The following ITFG1 variants were observed in gnomAD, a reference collection of about 807,000 sequenced individuals.
The protein encoded by ITFG1 is T-cell immunomodulatory protein.
ITFG1 carries 34 observed loss-of-function variants against 81.8 expected under a neutral mutation model. That is an observed-to-expected ratio of 0.42 (90% CI 0.32 to 0.55). The LOEUF is 0.55. ITFG1 is among the 20% of genes least tolerant of loss of function. The pLI, the probability that ITFG1 is intolerant of heterozygous loss-of-function variation, is 0.17. For missense variants in ITFG1, 672 were observed against 755.4 expected (o/e 0.89, Z 1.29); for synonymous variants, 285 against 270.6 (o/e 1.05, Z -0.52).
chr16:47,310,163 G>C (rs1199084881), intron 10 of ITFG1, among the ~76,000 whole-genome samples: 1 of 152,208 alleles, frequency 6.6e-6, no homozygotes, highest in Non-Finnish European at 1.5e-5. Flanking sequence ...GCTTAGGAAA[G>C]TTAACGTACA....
chr16:47,156,994 G>A (rs1011964543), intron 17 of ITFG1, among the ~76,000 whole-genome samples: 19 of 152,254 alleles, frequency 1.2e-4, no homozygotes, highest in Non-Finnish European at 2.1e-4. Flanking sequence ...GGGAGAGAAC[G>A]GAAAGAAAGA....
chr16:47,451,685 C>G (rs1969391786), intron 4 of ITFG1, among the ~76,000 whole-genome samples: 1 of 152,160 alleles, frequency 6.6e-6, no homozygotes. Context: ...CAGCCCTCTC[C>G]AGGCTTGCCA....
At chr16:47,369,787 T>C (rs1327127194) in intron 7 of ITFG1, among the ~76,000 whole-genome samples, 1 of 151,196 alleles carries the variant, frequency 6.6e-6, no homozygotes, top group African/African-American at 2.4e-5. Context: ...ATATCGATCA[T>C]CTCAAACATT....
chr16:47,349,921 C>A (rs1469921259), intron 8 of ITFG1, among the ~76,000 whole-genome samples: 1 of 152,164 alleles, frequency 6.6e-6, no homozygotes, highest in African/African-American at 2.4e-5. Context: ...CAAAACTGGT[C>A]AACTACATGG....
intron 14 of ITFG1, among the ~76,000 whole-genome samples, chr16:47,177,772 G>T (rs1567414586): frequency 6.6e-6 from 1 of 152,104 alleles, no homozygotes; most frequent in African/African-American, 2.4e-5. Flanking sequence ...TTATCAACTA[G>T]GCTAGAATAT....
chr16:47,234,067 A>C (rs1416936470), intron 13 of ITFG1, among the ~76,000 whole-genome samples: 1 of 152,238 alleles, frequency 6.6e-6, no homozygotes, highest in Non-Finnish European at 1.5e-5. Context: ...CCTTTGCTTA[A>C]TACATCATAT....
At chr16:47,452,647 T>A in intron 4 of ITFG1, 86 bp downstream of exon 4, 1 of 834,466 alleles carries the variant, frequency 1.2e-6, no homozygotes, top group Non-Finnish European at 1.9e-6. Context: ...AGTATTTTTA[T>A]TACTAAGCAA....
chr16:47,312,610 T>G (rs1228971987), intron 9 of ITFG1: 1 of 152,200 alleles, frequency 6.6e-6, no homozygotes, highest in East Asian at 1.9e-4. Context: ...TTCACTTGGT[T>G]TTTAAAAAAT....
chr16:47,414,257 AT>A (rs879479618), intron 6 of ITFG1, among the ~76,000 whole-genome samples: 385 of 145,520 alleles, frequency 2.6e-3, no homozygotes, highest in African/African-American at 4.1e-3. Context: ...CCAAGGATCT[AT>A]TTTTTTTTTT....
chr16:47,170,954 C>G (rs2151509888), intron 14 of ITFG1, among the ~76,000 whole-genome samples: 1 of 150,506 alleles, frequency 6.6e-6, no homozygotes, highest in Non-Finnish European at 1.5e-5. Flanking sequence ...AGGCTAGTCT[C>G]AAACTCCTGA....
chr16:47,428,212 C>G (rs1236844854), intron 6 of ITFG1, among the ~76,000 whole-genome samples: 2 of 152,116 alleles, frequency 1.3e-5, no homozygotes, highest in African/African-American at 4.8e-5. Context: ...TCCTTGTAAT[C>G]TGAGATACAG....
At chr16:47,236,366 T>C (rs1203606075) in intron 13 of ITFG1, among the ~76,000 whole-genome samples, 2 of 151,288 alleles carry the variant, frequency 1.3e-5, no homozygotes, top group Non-Finnish European at 2.9e-5. Flanking sequence ...TCCCAGCTAC[T>C]CGGGAGGCTG....
chr16:47,324,575 C>T (rs1967501670), intron 8 of ITFG1, among the ~76,000 whole-genome samples: 1 of 152,134 alleles, frequency 6.6e-6, no homozygotes, highest in African/African-American at 2.4e-5. Flanking sequence ...CATCAGTGGG[C>T]TGTATTCAGG....
intron 6 of ITFG1, among the ~76,000 whole-genome samples, chr16:47,389,284 C>T (rs936787455): frequency 1.3e-5 from 2 of 152,066 alleles, no homozygotes; most frequent in African/African-American, 2.4e-5. Context: ...TTAAAAAAGA[C>T]AGTTTAAATG....
At chr16:47,211,744 C>T (rs1223239309) in intron 14 of ITFG1, among the ~76,000 whole-genome samples, 2 of 152,038 alleles carry the variant, frequency 1.3e-5, no homozygotes. Context: ...AGTGCTTTTT[C>T]GGCATCAGTT....
chr16:47,322,887 A>T (rs1967469760), intron 8 of ITFG1, among the ~76,000 whole-genome samples: 1 of 152,206 alleles, frequency 6.6e-6, no homozygotes, highest in Admixed American at 6.5e-5. Flanking sequence ...AGCTTTGTGA[A>T]TACTTGGCCA....
intron 14 of ITFG1, among the ~76,000 whole-genome samples, chr16:47,192,495 C>T (rs1312655220): frequency 2.0e-5 from 3 of 152,122 alleles, no homozygotes; most frequent in Admixed American, 2.0e-4. Context: ...AACTATAATC[C>T]CTATTATTAT....
At chr16:47,370,604 G>A (rs766948379) in intron 7 of ITFG1, among the ~76,000 whole-genome samples, 3 of 152,200 alleles carry the variant, frequency 2.0e-5, no homozygotes, top group African/African-American at 7.2e-5. Context: ...AAACGCTGGC[G>A]CCTAAGTCAG....
chr16:47,324,179 A>T (rs1967493562), intron 8 of ITFG1, among the ~76,000 whole-genome samples: 1 of 152,108 alleles, frequency 6.6e-6, no homozygotes, highest in African/African-American at 2.4e-5. Flanking sequence ...GGGGGCCAAT[A>T]TTCAACATTC....
Sources: allele counts gnomAD v4.1 joint callset (sites outside exome capture counted in the v4.1 genomes callset), GRCh38; gene constraint gnomAD v4.1.1; transcripts MANE v1.5; gene names NCBI Gene and HGNC (gene_info 2026-07-23, HGNC 2026-07-21).